The following BCLAF1 variants were observed in gnomAD, a reference collection of about 807,000 sequenced individuals.
BCLAF1 encodes bcl-2-associated transcription factor 1.
Under a neutral mutation model 99.5 loss-of-function variants are expected in BCLAF1, and 10 were observed. That is an observed-to-expected ratio of 0.10 (90% CI 0.06 to 0.17). The LOEUF (loss-of-function observed/expected upper bound fraction) is 0.17, where lower values mean the gene tolerates loss of function less well. BCLAF1 is among the 10% of genes least tolerant of loss of function. The probability of loss-of-function intolerance (pLI) is 1.00; values close to 1 mark genes in which losing one functional copy is unlikely to be tolerated. For synonymous variants in BCLAF1, 255 were observed against 370.9 expected (o/e 0.69, Z 3.59); for missense variants, 636 against 1,105.8 (o/e 0.58, Z 6.02).
At position 136,270,677 on chromosome 6, in the gene BCLAF1, G is replaced by A. The variant is rs529674876; in HGVS notation, c.2044-1065C>T. Among the ~76,000 whole-genome samples, 28 of 151,814 alleles carry A rather than the reference G, an allele frequency of 1.8e-4. No individual in the cohort carries two copies. In the South Asian group the frequency reaches 5.6e-3, roughly 30 times the overall value. ...TGAAACTACTTTGTAAATTACAAACGATATATACATAATTACATATTAACA... is the reference window on the plus strand; with the variant it reads ...TGAAACTACTTTGTAAATTACAAACAATATATACATAATTACATATTAACA... On this transcript the variant is annotated intron_variant, in intron 8 of 12. Transcript: ENST00000531224.
rs969318492 is a variant in BCLAF1, at chr6:136,257,084, G to A, written c.*4026C>T. 1 of 152,274 alleles carries A rather than the reference G, an allele frequency of 6.6e-6. No individual in the cohort carries two copies. Among genetic ancestry groups the A allele is most frequent in the Non-Finnish European group, 1.5e-5 (1 of 68,030 alleles). 9.4% of individuals were successfully genotyped at this position (152,274 alleles called of 1,614,324 possible). ...AACCCCAAAAGATTAAGAAAAATTC[G>A]ATGTATATTCTTGGGGGAAAGGCAT... On this transcript the variant is annotated 3_prime_UTR_variant, in exon 13 of 13. Coordinates refer to ENST00000531224, the MANE Select transcript of BCLAF1 (RefSeq NM_014739.3).
At chr6:136,269,695 T>C in intron 8 of BCLAF1, 83 bp from the exon 9 acceptor site, 1 of 1,067,388 alleles carries the variant, frequency 9.4e-7, no homozygotes, top group South Asian at 2.3e-5. Context: ...TTAAATTTTA[T>C]GCCAGCTTCT....
Position 136,281,396 on chromosome 6 carries a change from C to T in BCLAF1, c.-11+1188G>A, listed in dbSNP as rs189619630. 1.4e-4 allele frequency among the ~76,000 whole-genome samples: 21 copies of T among 152,212 alleles called. No homozygotes were observed. In the East Asian group the frequency reaches 3.9e-3, roughly 28 times the overall value. On this transcript the variant is annotated intron_variant, in intron 2 of 12. Transcript: ENST00000531224. ...GACAACATAATGAAATTGGCAAAAA[C>T]CACATTTACAGCCTGTAAAGGAAGG...
At position 136,279,750 on chromosome 6, in the gene BCLAF1, C is replaced by T. The variant is rs751540755; in HGVS notation, c.104+13G>A. On this transcript the variant is annotated intron_variant, in intron 3 of 12. Coordinates refer to ENST00000531224, the MANE Select transcript of BCLAF1 (RefSeq NM_014739.3). ...ATATAATTATTTTAAAAATTTAAAG[C>T]ACATTAAATCACCTGTATCGCTTCT... The T allele has an allele frequency of 1.0e-5, 16 of 1,538,844 alleles. No individual in the cohort carries two copies. The East Asian group carries it at 3.5e-4, about 33-fold the overall frequency.
At position 136,261,030 on chromosome 6, in the gene BCLAF1, A is replaced by G; in HGVS notation, c.*80T>C. 1.4e-6 allele frequency: 2 copies of G among 1,427,986 alleles called. No individual in the cohort carries two copies. Among genetic ancestry groups the G allele is most frequent in the South Asian group, 1.4e-5 (1 of 73,582 alleles). The allele number at this position is 1,427,986 out of a possible 1,614,324, so 88.5% of individuals were successfully genotyped here. On this transcript the variant is annotated 3_prime_UTR_variant, in exon 13 of 13. Transcript: ENST00000531224. Reference sequence around the variant, plus strand: ...AGTAAAATTTAAGTAAAATGCTTACATTCTTATTTGAAAACAAAAATCAGG... The same window carrying G: ...AGTAAAATTTAAGTAAAATGCTTACGTTCTTATTTGAAAACAAAAATCAGG...
At position 136,278,526 on chromosome 6, in the gene BCLAF1, A is replaced by T. The variant is rs763260678; in HGVS notation, c.355T>A (p.Ser119Thr). Reference sequence around the variant, plus strand: ...CTTCTGGATCTTTGAGAAGAAACGGATCTTCTTTTTGGACTCCTGGAACGT... The same window carrying T: ...CTTCTGGATCTTTGAGAAGAAACGGTTCTTCTTTTTGGACTCCTGGAACGT... The part of the protein sequence containing the change: ...RSRSRSPKRR[S>T]VSSQRSRSRS... Residue 119 changes from serine (S) to threonine (T), a missense_variant, in exon 4 of 13, where the codon TCC becomes ACC. Physicochemically the swap from Ser to Thr is moderately conservative, Grantham distance 58. Transcript: ENST00000531224. 6.3e-7 allele frequency: 1 copy of T among 1,594,224 alleles called. No homozygotes were observed. The highest frequency in any genetic ancestry group is 1.4e-5 in the African/African-American group (1 of 73,806).
Position 136,276,271 on chromosome 6 carries a change from A to T in BCLAF1, c.1254T>A (p.Asp418Glu). The change falls in exon 5 of 13, where the codon GAT (aspartate) becomes GAA (glutamate). Residue 418 changes from aspartate to glutamate, a missense_variant. Physicochemically the swap from Asp to Glu is conservative, Grantham distance 45. This residue lies in a region of BCLAF1 where 186 missense variants were observed against 275.3 expected (regional missense o/e 0.68). Coordinates refer to ENST00000531224, the MANE Select transcript of BCLAF1 (RefSeq NM_014739.3). ...YRQFRKSVLA[D>E]QGKSFATASH... ...ATGCAGTAGCAAAACTTTTACCCTGATCTGCGAGGACTGACTTCCTGAACT... is the reference window on the plus strand; with the variant it reads ...ATGCAGTAGCAAAACTTTTACCCTGTTCTGCGAGGACTGACTTCCTGAACT... 6.3e-7 allele frequency: 1 copy of T among 1,597,426 alleles called. No individual in the cohort carries two copies. The highest frequency in any genetic ancestry group is 8.5e-7 in the Non-Finnish European group (1 of 1,173,404).
chr6:136,282,970 G>A (rs1291718337), intron 1 of BCLAF1, among the ~76,000 whole-genome samples: 5 of 151,666 alleles, frequency 3.3e-5, no homozygotes, highest in African/African-American at 7.3e-5. Flanking sequence ...ATGATATGTC[G>A]TTCCATCAGA....
chr6:136,286,050 G>A (rs1157673839), intron 1 of BCLAF1, among the ~76,000 whole-genome samples: 1 of 152,134 alleles, frequency 6.6e-6, no homozygotes. Flanking sequence ...AGTGAGCCAA[G>A]ATTGCACCAC....
chr6:136,271,920 G>C (rs947053966), intron 8 of BCLAF1, 75 bp downstream of exon 8: 2 of 1,102,792 alleles, frequency 1.8e-6, no homozygotes, highest in Non-Finnish European at 2.7e-6. Context: ...ATTTTGCCTT[G>C]AGAAACTATA....
chr6:136,267,307 T>C, intron 10 of BCLAF1, 132 bp from the exon 11 acceptor site: 1 of 1,086,202 alleles, frequency 9.2e-7, no homozygotes, highest in South Asian at 1.7e-5. Flanking sequence ...CCATTGAGGA[T>C]GAAAAGGATG....
intron 6 of BCLAF1, chr6:136,274,277 T>C: frequency 4.2e-6 from 2 of 473,900 alleles, no homozygotes; most frequent in Non-Finnish European, 6.4e-6. Flanking sequence ...CAATACCAAT[T>C]ATGAAACATT....
At chr6:136,284,733 T>G (rs762036053) in intron 1 of BCLAF1, among the ~76,000 whole-genome samples, 2 of 152,166 alleles carry the variant, frequency 1.3e-5, no homozygotes, top group Non-Finnish European at 2.9e-5. Context: ...GAATACAGCA[T>G]TTTAAGTTAA....
At chr6:136,268,361 A>G (rs753488118) in intron 9 of BCLAF1, 22 bp from the exon 10 acceptor site, 237 of 1,571,168 alleles carry the variant, frequency 1.5e-4, no homozygotes, top group Non-Finnish European at 1.8e-4. Context: ...AGAAAACAAA[A>G]AATGTGATAC....
intron 8 of BCLAF1, among the ~76,000 whole-genome samples, chr6:136,271,085 A>G (rs1456469140): frequency 6.6e-6 from 1 of 151,800 alleles, no homozygotes; most frequent in African/African-American, 2.4e-5. Flanking sequence ...TGTCCATAAC[A>G]GCTTCTAGTA....
chr6:136,263,588 A>G (rs1366964584), intron 11 of BCLAF1, among the ~76,000 whole-genome samples: 1 of 152,214 alleles, frequency 6.6e-6, no homozygotes, highest in Non-Finnish European at 1.5e-5. Flanking sequence ...CACAGCTAAG[A>G]ACATGTTAAC....
At chr6:136,281,303 A>G (rs1784358414) in intron 2 of BCLAF1, among the ~76,000 whole-genome samples, 1 of 152,160 alleles carries the variant, frequency 6.6e-6, no homozygotes, top group Non-Finnish European at 1.5e-5. Flanking sequence ...TAAGAAATAA[A>G]TTTAGCATTA....
Position 136,278,793 on chromosome 6 carries a change from T to C in BCLAF1, c.105-17A>G, listed in dbSNP as rs2128484678. The C allele has an allele frequency of 6.7e-7, 1 of 1,482,834 alleles. No individual in the cohort carries two copies. Among genetic ancestry groups the C allele is most frequent in the Non-Finnish European group, 8.9e-7 (1 of 1,119,020 alleles). 91.9% of individuals were successfully genotyped at this position (1,482,834 alleles called of 1,614,324 possible). On this transcript the variant is annotated splice_polypyrimidine_tract_variant and intron_variant, in intron 3 of 12. Coordinates refer to ENST00000531224, the MANE Select transcript of BCLAF1 (RefSeq NM_014739.3). ...GACCTAGAACTAAAAATGAAATAAA[T>C]ATCAATGCAAGAAAAATAAAGTATT...
At chr6:136,289,422 A>T (rs1421575382) in intron 1 of BCLAF1, among the ~76,000 whole-genome samples, 1 of 152,120 alleles carries the variant, frequency 6.6e-6, no homozygotes, top group Admixed American at 6.5e-5. Flanking sequence ...TGGAAGAGGA[A>T]GATATGCGCA....
Sources: gnomAD v4.1 joint callset for allele counts (sites outside exome capture counted in the v4.1 genomes callset) on GRCh38, gnomAD v4.1.1 for gene constraint, gnomAD v4.1.1 regional missense constraint, MANE v1.5 for transcripts, NCBI Gene and HGNC (gene_info 2026-07-23, HGNC 2026-07-21) for gene names.